INPPL1: variants seen among roughly 807,000 people sequenced by gnomAD.
INPPL1 encodes inositol polyphosphate phosphatase like 1.
In INPPL1, 91 loss-of-function variants were observed where a neutral mutation model predicts 139.3. The ratio of observed to expected loss-of-function variants is 0.65; its 90% CI spans 0.55 to 0.78. The LOEUF (loss-of-function observed/expected upper bound fraction) is 0.78, where lower values mean the gene tolerates loss of function less well. INPPL1 is among the 30% of genes least tolerant of loss of function. The probability of loss-of-function intolerance (pLI) is 0.00; values close to 1 mark genes in which losing one functional copy is unlikely to be tolerated. For missense variants in INPPL1, 1,411 were observed against 1,665.6 expected, an observed-to-expected ratio of 0.85 and a Z score of 2.66; for synonymous variants, 719 against 686.6, an observed-to-expected ratio of 1.05 and a Z score of -0.74.
rs868021414 is a variant in INPPL1 at position 72,236,000 on chromosome 11, C to G, written c.2879+14C>G. 5.4e-6 allele frequency: 8 copies of G among 1,473,494 alleles called. No individual in the cohort carries two copies. Among genetic ancestry groups the G allele is most frequent in the Non-Finnish European group, 7.4e-6 (8 of 1,080,490 alleles). The allele number at this position is 1,473,494 out of a possible 1,614,324, so 91.3% of individuals were successfully genotyped here. The stretch of plus-strand genomic sequence containing the variant: ...CTTGACCCCCAGGTGAGAGGAGGAA[C>G]CTGTCACCGCCCCCCCTTCCCCCAC... On this transcript the variant is annotated intron_variant, in intron 25 of 27. Coordinates refer to ENST00000298229, the MANE Select transcript of INPPL1 (RefSeq NM_001567.4). The surrounding 1 kb of genome is among the most constrained non-coding windows in gnomAD (Gnocchi z 4.9).
chr11:72,233,600 G>A, intron 18 of INPPL1, 55 bp from the exon 19 acceptor site: 1 of 1,607,006 alleles, frequency 6.2e-7, no homozygotes, highest in Non-Finnish European at 8.5e-7. Context: ...TGGGAGGTGG[G>A]AGCCGAGGGT....
chr11:72,229,449 C>CTGA lies in INPPL1; in HGVS notation c.660-13_660-11dup. On this transcript the variant is annotated splice_polypyrimidine_tract_variant and intron_variant, in intron 5 of 27. Coordinates refer to ENST00000298229, the MANE Select transcript of INPPL1 (RefSeq NM_001567.4). The stretch of plus-strand genomic sequence containing the variant: ...AGGTCGGGGTGGGAGTTCTTTTGAT[C>CTGA]TGATGTCTTCCCTAGTGAGGTGGAC... 1 of 1,612,232 alleles carries CTGA rather than the reference C, an allele frequency of 6.2e-7. No individual in the cohort carries two copies. Among genetic ancestry groups the CTGA allele is most frequent in the Non-Finnish European group, 8.5e-7 (1 of 1,178,290 alleles).
At chr11:72,225,558 T>A in intron 1 of INPPL1, 2 of 983,134 alleles carry the variant, frequency 2.0e-6, no homozygotes, top group Non-Finnish European at 2.4e-6. Flanking sequence ...GGAGAGGGAG[T>A]CGGGGCAGAG....
intron 1 of INPPL1, among the ~76,000 whole-genome samples, chr11:72,226,772 C>T (rs530551825): frequency 6.6e-6 from 1 of 152,264 alleles, no homozygotes; most frequent in East Asian, 1.9e-4. Flanking sequence ...TGCTTCCCAG[C>T]CCCCTCTGAG....
At position 72,228,998 on chromosome 11, in the gene INPPL1, G is replaced by T; in HGVS notation, c.519-92G>T. The T allele has an allele frequency of 6.5e-7, 1 of 1,528,330 alleles. No homozygotes were observed. Among genetic ancestry groups the T allele is most frequent in the Non-Finnish European group, 8.8e-7 (1 of 1,136,206 alleles). 94.7% of individuals were successfully genotyped at this position (1,528,330 alleles called of 1,614,324 possible). ...AGATAACCTGATCCATCCCGCCCTG[G>T]TTGCCACAGGTACTATCTCCTCTAG... On this transcript the variant is annotated intron_variant, in intron 4 of 27. Transcript: ENST00000298229. This position sits in a 1 kb window ranked among gnomAD's most constrained non-coding sequence, Gnocchi z 5.0.
chr11:72,235,128 C>G lies in INPPL1; in HGVS notation c.2428C>G (p.Leu810Val). Residue 810 changes from leucine (L) to valine (V), a missense_variant, in exon 22 of 28, where the codon CTG (leucine) becomes GTG (valine). By Grantham distance (32) the Leu-to-Val change is conservative. Transcript: ENST00000298229. The surrounding 1 kb of genome is among the most constrained non-coding windows in gnomAD (Gnocchi z 4.9). ...SRQLPTLKPILADIEYLQDQH... is the reference protein window; with the variant it reads ...SRQLPTLKPIVADIEYLQDQH... ...CCCTGCTTCCCAGCTCAAACCAATTCTGGCTGATATCGAGTACCTGCAGGA... is the reference window on the plus strand; with the variant it reads ...CCCTGCTTCCCAGCTCAAACCAATTGTGGCTGATATCGAGTACCTGCAGGA... The G allele has an allele frequency of 6.2e-7, 1 of 1,613,946 alleles. No homozygotes were observed. Among genetic ancestry groups the G allele is most frequent in the South Asian group, 1.1e-5 (1 of 91,064 alleles).
At chr11:72,230,932 G>A (rs1565389063) in intron 11 of INPPL1, 34 bp downstream of exon 11, 1 of 1,612,852 alleles carries the variant, frequency 6.2e-7, no homozygotes, top group Admixed American at 1.7e-5. Context: ...GCGGGAGAGA[G>A]GGATGGCCCC....
rs116848359 is a variant in INPPL1 at position 72,233,693 on chromosome 11, G to A, written c.2161G>A (p.Val721Met). The stretch of plus-strand genomic sequence containing the variant: ...CATCGTCACCAGCGACCATTCCCCC[G>A]TGTTTGGGACATTTGAGGTTGGAGT... The part of the protein sequence containing the change: ...DDIVTSDHSP[V>M]FGTFEVGVTS... Residue 721 changes from valine (V) to methionine (M), a missense_variant, in exon 19 of 28, where the codon GTG becomes ATG. Val to Met is a conservative substitution (Grantham distance 21). Around this residue, in one of 5 missense-constraint regions of INPPL1, gnomAD observed 363 missense variants for 446.2 expected, o/e 0.81. Coordinates refer to ENST00000298229, the MANE Select transcript of INPPL1 (RefSeq NM_001567.4). 3.6e-5 allele frequency: 58 copies of A among 1,614,058 alleles called. 1 individual carries two copies. The East Asian group carries it at 1.0e-3, about 29-fold the overall frequency.
Position 72,237,581 on chromosome 11 carries a change from G to T in INPPL1, c.3337G>T (p.Val1113Leu). The T allele has an allele frequency of 6.3e-7, 1 of 1,597,556 alleles. No homozygotes were observed. Among genetic ancestry groups the T allele is most frequent in the Admixed American group, 1.7e-5 (1 of 59,118 alleles). ...ACCAGCCAGCACTTTCCTGGGGGAA[G>T]TGGCCAGTGGGGATGACCGGTCCTG... is the stretch of plus-strand genomic sequence containing the variant. ...PSPASTFLGE[V>L]ASGDDRSCSV... Residue 1113 changes from valine (V) to leucine (L), a missense_variant, in exon 26 of 28, where the codon GTG becomes TTG. Val to Leu is a conservative substitution (Grantham distance 32). Transcript: ENST00000298229.
rs1948791956 is a variant in INPPL1 at position 72,230,190 on chromosome 11, G to C, written c.1009G>C (p.Asp337His). ...GTCACAGAAGTTCACGCTGAGCGTG[G>C]ATGTGGAGGGTGGGCGGCTGGTGCT... ...GKSQKFTLSV[D>H]VEGGRLVLLR... Residue 337 changes from aspartate (D) to histidine (H), a missense_variant, in exon 9 of 28, where the codon GAT (aspartate) becomes CAT (histidine). Around this residue, in one of 5 missense-constraint regions of INPPL1, gnomAD observed 504 missense variants for 595.6 expected, o/e 0.85. Coordinates refer to ENST00000298229, the MANE Select transcript of INPPL1 (RefSeq NM_001567.4). The C allele has an allele frequency of 6.2e-7, 1 of 1,612,576 alleles. No individual in the cohort carries two copies. Among genetic ancestry groups the C allele is most frequent in the Non-Finnish European group, 8.5e-7 (1 of 1,179,028 alleles).
chr11:72,236,610 A>T (rs1045139698), intron 25 of INPPL1, among the ~76,000 whole-genome samples: 71 of 152,182 alleles, frequency 4.7e-4, no homozygotes, highest in Non-Finnish European at 1.2e-4. Context: ...CTTGCTTTCT[A>T]ATTATATCCG....
chr11:72,238,198 G>A, intron 27 of INPPL1, 23 bp downstream of exon 27: 4 of 1,611,866 alleles, frequency 2.5e-6, no homozygotes, highest in Non-Finnish European at 3.4e-6. Flanking sequence ...CTGGCCCCGG[G>A]GGCGGAGCTG....
At position 72,235,964 on chromosome 11, in the gene INPPL1, CG is replaced by C; in HGVS notation, c.2860del (p.Glu954ArgfsTer4). 6.2e-7 allele frequency: 1 copy of C among 1,600,882 alleles called. No individual in the cohort carries two copies. On this transcript the variant is annotated frameshift_variant, in exon 25 of 28. Transcript: ENST00000298229. LOFTEE classifies it high-confidence loss of function. The surrounding 1 kb of genome is among the most constrained non-coding windows in gnomAD (Gnocchi z 4.9). ...RPPAPPRAAP[R>X]EEPLTPRLKP... is the part of the protein sequence containing the mutation. ...CCCAGCCCCACCCCGAGCAGCTCCC[CG>C]GGAGGAGCCCTTGACCCCCAGGTGA...
chr11:72,225,097 C>T lies in INPPL1; in HGVS notation c.113C>T (p.Ala38Val), dbSNP rs543631142. The stretch of plus-strand genomic sequence containing the variant: ...GCCGCGGAGGAGCTGCTGGCCCGGG[C>T]GGGCCGCGATGGCAGCTTCCTGGTC... ...RAAAEELLARAGRDGSFLVRD... is the reference protein window; with the variant it reads ...RAAAEELLARVGRDGSFLVRD... The change falls in exon 1 of 28, where the codon GCG becomes GTG. Residue 38 changes from alanine (A) to valine (V), a missense_variant. Transcript: ENST00000298229. 3.2e-5 allele frequency: 40 copies of T among 1,231,238 alleles called. No homozygotes were observed. The African/African-American group carries it at 5.4e-4, about 17-fold the overall frequency. 76.3% of individuals were successfully genotyped at this position (1,231,238 alleles called of 1,614,324 possible). A position where few individuals can be genotyped will look rare whatever the true frequency, so the allele number is the denominator to read the frequency against.
chr11:72,225,306 C>T, intron 1 of INPPL1, 140 bp downstream of exon 1: 1 of 1,222,424 alleles, frequency 8.2e-7, no homozygotes, highest in Non-Finnish European at 1.0e-6. Context: ...GGAGCCTTGG[C>T]TTTCTCCTGG....
chr11:72,234,514 A>T lies in INPPL1; in HGVS notation c.2327-13A>T. 1 of 1,312,220 alleles carries T rather than the reference A, an allele frequency of 7.6e-7. No homozygotes were observed. The highest frequency in any genetic ancestry group is 1.1e-6 in the Non-Finnish European group (1 of 909,428). 81.3% of individuals were successfully genotyped at this position (1,312,220 alleles called of 1,614,324 possible). ...GGTGGTGCTCAGTTGGGTGTCTCCC[A>T]CCCCCACCCCAGAATACAAGAAGAG... On this transcript the variant is annotated splice_polypyrimidine_tract_variant and intron_variant, in intron 20 of 27. Transcript: ENST00000298229. The surrounding 1 kb of genome is among the most constrained non-coding windows in gnomAD (Gnocchi z 4.2).
At chr11:72,232,812 G>A in intron 15 of INPPL1, 48 bp downstream of exon 15, 4 of 1,613,720 alleles carry the variant, frequency 2.5e-6, no homozygotes, top group Non-Finnish European at 3.4e-6. Context: ...AGGGCCACAT[G>A]GGCTATCACC....
chr11:72,230,533 T>A, intron 10 of INPPL1, 65 bp downstream of exon 10: 1 of 1,457,402 alleles, frequency 6.9e-7, no homozygotes, highest in Non-Finnish European at 9.6e-7. Flanking sequence ...TGCTTCCCAT[T>A]GGAGGGTAAG....
At chr11:72,233,237 T>C in intron 17 of INPPL1, 74 bp downstream of exon 17, 1 of 1,354,488 alleles carries the variant, frequency 7.4e-7, no homozygotes, top group Non-Finnish European at 1.0e-6. Flanking sequence ...GTCAAGGGTA[T>C]GGGCCTCTGC....
Sources: allele counts gnomAD v4.1 joint callset (sites outside exome capture counted in the v4.1 genomes callset), GRCh38; gene constraint gnomAD v4.1.1; regional missense constraint gnomAD v4.1.1; non-coding constraint Gnocchi (gnomAD v3.1); transcripts MANE v1.5; gene names NCBI Gene and HGNC (gene_info 2026-07-23, HGNC 2026-07-21).